ARHGAP39: variants seen among roughly 807,000 people sequenced by gnomAD.
ARHGAP39 encodes the protein Rho GTPase activating protein 39.
A neutral mutation model predicts 106.9 loss-of-function variants in ARHGAP39; 44 were observed. The observed-to-expected ratio is 0.41, with a 90% CI of 0.32 to 0.53. The LOEUF (loss-of-function observed/expected upper bound fraction) is 0.53. Among genes scored for constraint, ARHGAP39 ranks in the 20% least tolerant of loss-of-function variants. The pLI is 0.21. For synonymous variants in ARHGAP39, 768 were observed against 693.2 expected, an observed-to-expected ratio of 1.11 and a Z score of -1.69; for missense variants, 1,496 against 1,577.3, an observed-to-expected ratio of 0.95 and a Z score of 0.87.
At chr8:144,678,885 G>T (rs901693558) in intron 1 of ARHGAP39, among the ~76,000 whole-genome samples, 9 of 152,142 alleles carry the variant, frequency 5.9e-5, no homozygotes, top group African/African-American at 1.9e-4. Flanking sequence ...TCAAGGCTGG[G>T]GCAGGAGAGC....
chr8:144,533,071 ATGG>A, intron 9 of ARHGAP39, 52 bp downstream of exon 9: 2 of 1,565,576 alleles, frequency 1.3e-6, no homozygotes, highest in Non-Finnish European at 1.7e-6. Context: ...CCACAGATGC[ATGG>A]TGGACACATG....
chr8:144,666,743 G>C (rs1488962479), intron 1 of ARHGAP39, among the ~76,000 whole-genome samples: 5 of 152,180 alleles, frequency 3.3e-5, no homozygotes, highest in Non-Finnish European at 7.3e-5. Context: ...TCTTGGGTAT[G>C]TCTTTATCAG....
At chr8:144,606,078 C>G (rs1194528819) in intron 1 of ARHGAP39, among the ~76,000 whole-genome samples, 1 of 152,216 alleles carries the variant, frequency 6.6e-6, no homozygotes, top group Non-Finnish European at 1.5e-5. Context: ...TCCGCCCTCA[C>G]TCTCAGCCCC....
At chr8:144,562,427 C>T (rs1564849327) in intron 3 of ARHGAP39, among the ~76,000 whole-genome samples, 1 of 151,650 alleles carries the variant, frequency 6.6e-6, no homozygotes, top group Admixed American at 6.6e-5. Context: ...TTCCATCGGA[C>T]CCCAGTGGTT....
intron 2 of ARHGAP39, among the ~76,000 whole-genome samples, chr8:144,583,394 G>C (rs544186805): frequency 6.6e-6 from 1 of 152,352 alleles, no homozygotes; most frequent in Non-Finnish European, 1.5e-5. Flanking sequence ...ACGCATTGTG[G>C]GGTGAGCAGC....
intron 2 of ARHGAP39, among the ~76,000 whole-genome samples, chr8:144,590,492 T>G (rs552501459): frequency 2.6e-5 from 4 of 151,468 alleles, no homozygotes; most frequent in African/African-American, 7.3e-5. Context: ...TGCTTTGCCA[T>G]GATCAGAAGC....
the ARHGAP39 span, among the ~76,000 whole-genome samples, chr8:144,690,854 C>T: frequency 2.9e-5 from 4 of 139,652 alleles, no homozygotes; most frequent in South Asian, 4.5e-4. Flanking sequence ...GACGGGGTTT[C>T]GTCATGTTGC....
chr8:144,602,593 GGTGT>G (rs1236602595), intron 2 of ARHGAP39, among the ~76,000 whole-genome samples: 1 of 133,882 alleles, frequency 7.5e-6, no homozygotes, highest in African/African-American at 2.8e-5. Context: ...TGTGTGTGGA[GGTGT>G]GTGTGCGAGC....
chr8:144,574,149 G>GGA (rs1312814141), intron 3 of ARHGAP39, among the ~76,000 whole-genome samples: 2 of 107,286 alleles, frequency 1.9e-5, no homozygotes, highest in African/African-American at 7.6e-5. Flanking sequence ...CTGGGTGACA[G>GGA]AAAAAAAAAA....
At chr8:144,582,245 C>G (rs555540644) in intron 2 of ARHGAP39, among the ~76,000 whole-genome samples, 3 of 152,128 alleles carry the variant, frequency 2.0e-5, no homozygotes, top group African/African-American at 7.2e-5. Context: ...AAGAGCCCCC[C>G]TGGCGGCCGG....
chr8:144,547,401 T>C lies in ARHGAP39; in HGVS notation c.1685A>G (p.Glu562Gly), dbSNP rs748891912. The C allele has an allele frequency of 6.3e-7, 1 of 1,591,198 alleles. No individual in the cohort carries two copies. The highest frequency in any genetic ancestry group is 1.1e-5 in the South Asian group (1 of 90,120). ...CATGTGGAAGTGGGCCTGCTGCGCC[T>C]CCCAGGCCAGCCGAGCCTGCGCCAG... is the stretch of plus-strand genomic sequence containing the variant. ...PFLAQARLAW[E>G]AQQAHFHMKQ... is the part of the protein sequence containing the mutation. Residue 562 changes from glutamate to glycine, a missense_variant, in exon 5 of 12, where the codon GAG (glutamate) becomes GGG (glycine). Transcript: ENST00000377307. This position sits in a 1 kb window ranked among gnomAD's most constrained non-coding sequence, Gnocchi z 5.2.
intron 3 of ARHGAP39, among the ~76,000 whole-genome samples, chr8:144,563,107 G>A (rs1419538542): frequency 6.6e-6 from 1 of 152,222 alleles, no homozygotes; most frequent in African/African-American, 2.4e-5. Flanking sequence ...AACTACAACT[G>A]ATCATGCTAA....
chr8:144,698,543 G>C, the ARHGAP39 span: 1 of 213,368 alleles, frequency 4.7e-6, no homozygotes, highest in South Asian at 5.4e-5. Context: ...TGAGAGCTCA[G>C]CTGTGATCTG....
At chr8:144,580,706 C>T (rs570082340) in intron 3 of ARHGAP39, 140 bp downstream of exon 3, 2 of 1,101,856 alleles carry the variant, frequency 1.8e-6, no homozygotes, top group East Asian at 2.7e-5. Context: ...CATACCCGAC[C>T]TACTCCTAAC....
At chr8:144,581,393 G>A in intron 2 of ARHGAP39, 116 bp from the exon 3 acceptor site, 17 of 1,210,528 alleles carry the variant, frequency 1.4e-5, no homozygotes, top group Non-Finnish European at 1.8e-5. Context: ...CTGTCATAGA[G>A]GAAAGCAAAC....
chr8:144,602,766 CTGTG>C (rs1256184063), intron 2 of ARHGAP39, among the ~76,000 whole-genome samples: 21 of 116,690 alleles, frequency 1.8e-4, no homozygotes, highest in African/African-American at 3.4e-4. Context: ...GCTCGTGTAC[CTGTG>C]TGTATGTGCA....
Position 144,547,381 on chromosome 8 carries a change from G to A in ARHGAP39, c.1705C>T (p.His569Tyr), listed in dbSNP as rs757636232. 2 of 1,598,638 alleles carry A rather than the reference G, an allele frequency of 1.3e-6. No individual in the cohort carries two copies. Among genetic ancestry groups the A allele is most frequent in the East Asian group, 4.5e-5 (2 of 44,744 alleles). Reference sequence around the variant, plus strand: ...TCCCAGCTGCTCCTCTGCTTCATGTGGAAGTGGGCCTGCTGCGCCTCCCAG... The same window carrying A: ...TCCCAGCTGCTCCTCTGCTTCATGTAGAAGTGGGCCTGCTGCGCCTCCCAG... The part of the protein sequence containing the change: ...LAWEAQQAHF[H>Y]MKQRSSWDSQ... The change falls in exon 5 of 12, where the codon CAC (histidine) becomes TAC (tyrosine). Residue 569 changes from histidine to tyrosine, a missense_variant. Physicochemically the swap from His to Tyr is moderately conservative, Grantham distance 83. Around this residue, in one of 4 missense-constraint regions of ARHGAP39, gnomAD observed 905 missense variants for 816.4 expected, o/e 1.11. Coordinates refer to ENST00000377307, the MANE Select transcript of ARHGAP39 (RefSeq NM_025251.3). The surrounding 1 kb of genome is among the most constrained non-coding windows in gnomAD (Gnocchi z 5.2).
chr8:144,540,521 C>T (rs967265609), intron 6 of ARHGAP39, among the ~76,000 whole-genome samples: 4 of 152,182 alleles, frequency 2.6e-5, no homozygotes, highest in African/African-American at 9.7e-5. Flanking sequence ...AAATATGAGG[C>T]CAGGCTTGGT....
intron 1 of ARHGAP39, among the ~76,000 whole-genome samples, chr8:144,655,642 C>T (rs946629690): frequency 6.6e-6 from 1 of 152,126 alleles, no homozygotes; most frequent in Non-Finnish European, 1.5e-5. Context: ...AGGAGTCACC[C>T]ACTGCAGGTC....
Sources: allele counts gnomAD v4.1 joint callset (sites outside exome capture counted in the v4.1 genomes callset), GRCh38; gene constraint gnomAD v4.1.1; regional missense constraint gnomAD v4.1.1; non-coding constraint Gnocchi (gnomAD v3.1); transcripts MANE v1.5; gene names NCBI Gene and HGNC (gene_info 2026-07-23, HGNC 2026-07-21).